RGS22: variants seen among roughly 807,000 people sequenced by gnomAD.
RGS22 encodes regulator of G protein signaling 22.
A neutral mutation model predicts 172.9 loss-of-function variants in RGS22; 148 were observed. The observed-to-expected ratio is 0.86, with a 90% CI of 0.75 to 0.98. The LOEUF is 0.98. Ranked by LOEUF, RGS22 falls within the 50% of genes least tolerant of loss-of-function variation. The pLI, the probability that RGS22 is intolerant of heterozygous loss-of-function variation, is 0.00. For missense variants in RGS22, 1,347 were observed against 1,440.8 expected, an observed-to-expected ratio of 0.93 and a Z score of 1.05; for synonymous variants, 458 against 480.2, an observed-to-expected ratio of 0.95 and a Z score of 0.60.
At chr8:100,093,932 T>C (rs913744673) in intron 2 of RGS22, among the ~76,000 whole-genome samples, 1 of 152,152 alleles carries the variant, frequency 6.6e-6, no homozygotes, top group Non-Finnish European at 1.5e-5. Context: ...CAAATGAAAT[T>C]GAGAATGTAA....
intron 20 of RGS22, among the ~76,000 whole-genome samples, chr8:99,991,358 A>T (rs1270040556): frequency 6.6e-6 from 1 of 152,222 alleles, no homozygotes; most frequent in Non-Finnish European, 1.5e-5. Flanking sequence ...CAAGGAAGCT[A>T]AAAACCTTGA....
intron 14 of RGS22, among the ~76,000 whole-genome samples, chr8:100,027,323 A>G (rs1384148418): frequency 6.6e-6 from 1 of 152,140 alleles, no homozygotes; most frequent in African/African-American, 2.4e-5. Flanking sequence ...AGAGAGTGAG[A>G]CTTCTAAGTC....
At chr8:99,987,113 C>G (rs1271586175) in intron 21 of RGS22, among the ~76,000 whole-genome samples, 1 of 151,976 alleles carries the variant, frequency 6.6e-6, no homozygotes, top group Non-Finnish European at 1.5e-5. Flanking sequence ...CATTCCAAAC[C>G]CAAAAATCCA....
intron 11 of RGS22, chr8:100,042,652 T>A (rs1206141735): frequency 6.6e-6 from 1 of 152,252 alleles, no homozygotes; most frequent in Non-Finnish European, 1.5e-5. Context: ...TCTTGCTCCA[T>A]AAAACATGCC....
At chr8:99,973,712 C>T (rs545605935) in intron 23 of RGS22, among the ~76,000 whole-genome samples, 1 of 151,472 alleles carries the variant, frequency 6.6e-6, no homozygotes, top group African/African-American at 2.4e-5. Flanking sequence ...TACTAAAAAT[C>T]CAAAAAATTA....
intron 4 of RGS22, among the ~76,000 whole-genome samples, chr8:100,075,327 A>C (rs369178846): frequency 6.6e-6 from 1 of 152,016 alleles, no homozygotes; most frequent in Non-Finnish European, 1.5e-5. Context: ...TGGTTGTTTA[A>C]AGAGCCTGGT....
chr8:100,070,691 A>T (rs959438860), intron 6 of RGS22, among the ~76,000 whole-genome samples: 1 of 152,250 alleles, frequency 6.6e-6, no homozygotes, highest in African/African-American at 2.4e-5. Flanking sequence ...ATGCCAAAAA[A>T]AAGAGAGCAG....
In RGS22 at chr8:100,052,962, C is replaced by G; in HGVS notation, c.1529G>C (p.Cys510Ser). Reference sequence around the variant, plus strand: ...TTTTGTTGAGGCTGAATGAGTAACACAGAATCTTGGTGCCCTGTTTATTGG... The same window carrying G: ...TTTTGTTGAGGCTGAATGAGTAACAGAGAATCTTGGTGCCCTGTTTATTGG... ...PLLLYWAPRFCVTHSASTKYA... is the reference protein window; with the variant it reads ...PLLLYWAPRFSVTHSASTKYA... Residue 510 changes from cysteine (C) to serine (S), a missense_variant, in exon 10 of 28, where the codon TGT becomes TCT. Coordinates refer to ENST00000360863, the MANE Select transcript of RGS22 (RefSeq NM_015668.5). 1 of 1,613,866 alleles carries G rather than the reference C, an allele frequency of 6.2e-7. No homozygotes were observed. The highest frequency in any genetic ancestry group is 1.7e-5 in the Admixed American group (1 of 59,986).
intron 4 of RGS22, among the ~76,000 whole-genome samples, chr8:100,075,668 A>G (rs1413367985): frequency 6.6e-6 from 1 of 152,160 alleles, no homozygotes; most frequent in Non-Finnish European, 1.5e-5. Flanking sequence ...GGCTATTATG[A>G]ATGATGCTGC....
At position 100,063,462 on chromosome 8, in the gene RGS22, C is replaced by A; in HGVS notation, c.1306G>T (p.Asp436Tyr). 1.9e-6 allele frequency: 3 copies of A among 1,612,330 alleles called. No homozygotes were observed. The highest frequency in any genetic ancestry group is 2.5e-6 in the Non-Finnish European group (3 of 1,178,948). Residue 436 changes from aspartate (D) to tyrosine (Y), a missense_variant, in exon 8 of 28, where the codon GAT becomes TAT. Physicochemically the swap from Asp to Tyr is radical, Grantham distance 160. Coordinates refer to ENST00000360863, the MANE Select transcript of RGS22 (RefSeq NM_015668.5). ...TTAAGAACTTTTAACCTCTCAATAT[C>A]CATCCATAGCCACCAATATCTCTCT... ...LGERYWWLWM[D>Y]IERLKVLKDP...
intron 14 of RGS22, among the ~76,000 whole-genome samples, chr8:100,012,978 ATTTTTTTTTTTTT>A (rs35339430): frequency 1.1e-5 from 1 of 88,744 alleles, no homozygotes; most frequent in Non-Finnish European, 2.1e-5. Flanking sequence ...AACGCCTTTG[ATTTTTTTTTTTTT>A]TTTTTTTTTT....
chr8:100,064,070 G>A (rs1810363227), intron 7 of RGS22, 27 bp from the exon 8 acceptor site: 6 of 1,434,978 alleles, frequency 4.2e-6, no homozygotes, highest in Non-Finnish European at 5.5e-6. Flanking sequence ...AAAGCTATTA[G>A]ATTAGATATG....
intron 21 of RGS22, among the ~76,000 whole-genome samples, chr8:99,986,896 A>G (rs1213173306): frequency 6.6e-6 from 1 of 152,158 alleles, no homozygotes; most frequent in East Asian, 1.9e-4. Flanking sequence ...AAATATGTAC[A>G]GTACATTTAA....
chr8:100,033,065 G>T (rs1028225654), intron 14 of RGS22, among the ~76,000 whole-genome samples: 1 of 152,086 alleles, frequency 6.6e-6, no homozygotes, highest in Admixed American at 6.6e-5. Context: ...AGAGAAAGCA[G>T]GAAAGACCTA....
chr8:100,072,258 G>GA (rs1222892729), intron 4 of RGS22, 28 bp from the exon 5 acceptor site: 1 of 1,422,584 alleles, frequency 7.0e-7, no homozygotes, highest in Admixed American at 2.1e-5. Context: ...AAAAGAAAAA[G>GA]AAGGTCAGAG....
chr8:100,097,356 T>G (rs1420491588), intron 2 of RGS22, among the ~76,000 whole-genome samples: 1 of 152,214 alleles, frequency 6.6e-6, no homozygotes, highest in Admixed American at 6.5e-5. Context: ...TGAATATTAT[T>G]AATAGTTCAT....
rs1046063522 is a variant in RGS22, at chr8:100,062,588, T to G, written c.1514+3A>C. The G allele has an allele frequency of 6.4e-7, 1 of 1,574,244 alleles. No homozygotes were observed. Among genetic ancestry groups the G allele is most frequent in the African/African-American group, 1.4e-5 (1 of 73,472 alleles). ...AGTAAGTAACTGATTCATGTTTTCT[T>G]ACCAATACAGAAGTAAAGGTTTTAA... On this transcript the variant is annotated splice_donor_region_variant and intron_variant, in intron 9 of 27. Transcript: ENST00000360863.
At chr8:100,042,071 T>C in intron 11 of RGS22, 155 bp from the exon 12 acceptor site, 1 of 501,738 alleles carries the variant, frequency 2.0e-6, no homozygotes, top group Non-Finnish European at 3.6e-6. Flanking sequence ...GTTCTAGCCC[T>C]AAAGTGGTGG....
chr8:100,047,339 T>A lies in RGS22; in HGVS notation c.1823+124A>T, dbSNP rs1006975823. The A allele has an allele frequency of 1.7e-5, 14 of 816,340 alleles. No individual in the cohort carries two copies. The African/African-American group carries it at 2.5e-4, about 14-fold the overall frequency. 50.6% of individuals were successfully genotyped at this position (816,340 alleles called of 1,614,324 possible). On this transcript the variant is annotated intron_variant, in intron 11 of 27. Transcript: ENST00000360863. ...AAGTATAAGCCTCTAATACATATCA[T>A]TGAAAATTAAGAACCCATGTAAAAA...
Sources: allele counts gnomAD v4.1 joint callset (sites outside exome capture counted in the v4.1 genomes callset), GRCh38; gene constraint gnomAD v4.1.1; transcripts MANE v1.5; gene names NCBI Gene and HGNC (gene_info 2026-07-23, HGNC 2026-07-21).